Variants in SLC24A2 observed in about 807,000 individuals in gnomAD.
SLC24A2 encodes sodium/potassium/calcium exchanger 2.
Under a neutral mutation model 62.0 loss-of-function variants are expected in SLC24A2, and 36 were observed. The observed-to-expected ratio is 0.58, with a 90% CI of 0.44 to 0.77. The LOEUF is 0.77. SLC24A2 is among the 30% of genes least tolerant of loss of function. The pLI is 0.00. For synonymous variants in SLC24A2, 358 were observed against 294.0 expected, an observed-to-expected ratio of 1.22 and a Z score of -2.23; for missense variants, 846 against 817.9, an observed-to-expected ratio of 1.03 and a Z score of -0.42.
the SLC24A2 span, among the ~76,000 whole-genome samples, chr9:20,233,116 T>A: frequency 0.094 from 14,329 of 152,230 alleles, 912 homozygotes; most frequent in Non-Finnish European, 0.14. Context: ...TCTGTTCTTT[T>A]ACATTTGCTG....
At chr9:19,522,829 T>C (rs1343332202) in intron 9 of SLC24A2, among the ~76,000 whole-genome samples, 1 of 152,226 alleles carries the variant, frequency 6.6e-6, no homozygotes, top group Non-Finnish European at 1.5e-5. Context: ...TAGAAAAAGT[T>C]CAATAAGACT....
the SLC24A2 span, among the ~76,000 whole-genome samples, chr9:19,875,146 T>A: frequency 1.3e-5 from 2 of 152,194 alleles, no homozygotes; most frequent in Admixed American, 1.3e-4. Context: ...AAATCATAAA[T>A]GGATACCTTT....
chr9:20,166,200 A>G, the SLC24A2 span, among the ~76,000 whole-genome samples: 1 of 151,970 alleles, frequency 6.6e-6, no homozygotes, highest in South Asian at 2.1e-4. Flanking sequence ...TACAGCTTCT[A>G]TAAAGGGGAA....
At chr9:20,000,643 A>G in the SLC24A2 span, among the ~76,000 whole-genome samples, 385 of 152,330 alleles carry the variant, frequency 2.5e-3, 3 homozygotes, top group African/African-American at 8.9e-3. Flanking sequence ...CGCAGTCTCC[A>G]TATCTGCCAC....
chr9:20,125,397 G>T, the SLC24A2 span, among the ~76,000 whole-genome samples: 1 of 152,174 alleles, frequency 6.6e-6, no homozygotes, highest in Non-Finnish European at 1.5e-5. Flanking sequence ...TCAACTGCAC[G>T]TTGCATTAAT....
chr9:20,265,367 T>G, the SLC24A2 span, among the ~76,000 whole-genome samples: 2 of 152,322 alleles, frequency 1.3e-5, no homozygotes, highest in South Asian at 4.1e-4. Context: ...GCTGAAACCA[T>G]GGCGGAAGAA....
chr9:20,104,225 G>A, the SLC24A2 span, among the ~76,000 whole-genome samples: 3 of 152,190 alleles, frequency 2.0e-5, no homozygotes, highest in Non-Finnish European at 2.9e-5. Flanking sequence ...ACATCTGATT[G>A]GTGTACCTGA....
At chr9:20,249,046 A>G in the SLC24A2 span, among the ~76,000 whole-genome samples, 20 of 152,326 alleles carry the variant, frequency 1.3e-4, no homozygotes, top group African/African-American at 4.8e-4. Flanking sequence ...GACAAAGACG[A>G]TGAAGTAAAG....
intron 7 of SLC24A2, among the ~76,000 whole-genome samples, chr9:19,569,461 G>A (rs963455304): frequency 1.3e-5 from 2 of 152,158 alleles, no homozygotes; most frequent in African/African-American, 4.8e-5. Flanking sequence ...CTCCCAAGAG[G>A]AGGGTGAAGT....
At chr9:20,004,699 T>C in the SLC24A2 span, among the ~76,000 whole-genome samples, 3 of 152,236 alleles carry the variant, frequency 2.0e-5, no homozygotes, top group Non-Finnish European at 2.9e-5. Context: ...TATGTGTTCA[T>C]GGCAATATGA....
At chr9:19,784,465 C>T (rs1326125400) in intron 2 of SLC24A2, among the ~76,000 whole-genome samples, 1 of 152,134 alleles carries the variant, frequency 6.6e-6, no homozygotes, top group South Asian at 2.1e-4. Context: ...TTGATGCACC[C>T]AAGAAATTTA....
intron 5 of SLC24A2, among the ~76,000 whole-genome samples, chr9:19,578,093 G>A (rs1043954451): frequency 4.0e-5 from 6 of 151,390 alleles, no homozygotes; most frequent in Non-Finnish European, 7.4e-5. Context: ...GGGGGGAAGA[G>A]TGGGAGGGGG....
upstream of SLC24A2, among the ~76,000 whole-genome samples, chr9:19,789,583 G>A (rs1016664966): frequency 6.6e-6 from 1 of 152,158 alleles, no homozygotes; most frequent in African/African-American, 2.4e-5. Flanking sequence ...CCAAAACCCC[G>A]TGTCATTTTG....
At chr9:19,905,514 T>C in the SLC24A2 span, among the ~76,000 whole-genome samples, 8 of 151,802 alleles carry the variant, frequency 5.3e-5, no homozygotes, top group African/African-American at 1.7e-4. Flanking sequence ...GTTCAAGCAA[T>C]TCTCCTGCTT....
upstream of SLC24A2, among the ~76,000 whole-genome samples, chr9:19,792,935 C>T (rs541628576): frequency 2.6e-5 from 4 of 152,298 alleles, no homozygotes; most frequent in Admixed American, 6.5e-5. Flanking sequence ...AGTTCCAAAC[C>T]TCGACTTTAG....
chr9:19,779,107 G>A (rs1822931951), intron 2 of SLC24A2, among the ~76,000 whole-genome samples: 1 of 152,090 alleles, frequency 6.6e-6, no homozygotes, highest in Non-Finnish European at 1.5e-5. Flanking sequence ...ACAAGAATGA[G>A]GATCACAGAT....
At chr9:20,082,884 A>T in the SLC24A2 span, among the ~76,000 whole-genome samples, 8 of 152,260 alleles carry the variant, frequency 5.3e-5, no homozygotes, top group Admixed American at 4.6e-4. Context: ...CTTCCTTTCA[A>T]AAAAGCTACC....
the SLC24A2 span, among the ~76,000 whole-genome samples, chr9:20,239,028 A>T: frequency 2.0e-5 from 3 of 152,188 alleles, no homozygotes; most frequent in Admixed American, 6.5e-5. Context: ...TAAATTGGCT[A>T]AATCCTTGAC....
chr9:20,268,324 G>T, the SLC24A2 span, among the ~76,000 whole-genome samples: 1 of 152,136 alleles, frequency 6.6e-6, no homozygotes, highest in Non-Finnish European at 1.5e-5. Context: ...TGTCTCCTCC[G>T]AAAGTCATGT....
Sources: gnomAD v4.1 joint callset for allele counts (sites outside exome capture counted in the v4.1 genomes callset) on GRCh38, gnomAD v4.1.1 for gene constraint, MANE v1.5 for transcripts, NCBI Gene and HGNC (gene_info 2026-07-23, HGNC 2026-07-21) for gene names.